The following TEX14 variants were observed in gnomAD, a reference collection of about 807,000 sequenced individuals.
The protein encoded by TEX14 is testis expressed 14, intercellular bridge forming factor, also known as inactive serine/threonine-protein kinase TEX14.
A neutral mutation model predicts 178.6 loss-of-function variants in TEX14; 168 were observed. The ratio of observed to expected loss-of-function variants is 0.94; its 90% confidence interval spans 0.83 to 1.07. The LOEUF (loss-of-function observed/expected upper bound fraction) is 1.07, where lower values mean the gene tolerates loss of function less well. Ranked by LOEUF, TEX14 falls within the 50% of genes least tolerant of loss-of-function variation. The pLI is 0.00. For missense variants in TEX14, 1,730 were observed against 1,753.6 expected (o/e 0.99, Z 0.24); for synonymous variants, 626 against 634.1 (o/e 0.99, Z 0.19).
intron 1 of TEX14, among the ~76,000 whole-genome samples, chr17:58,669,116 G>C (rs302841): frequency 0.62 from 94,611 of 151,834 alleles, 29,884 homozygotes; most frequent in African/African-American, 0.71. Context: ...CTTTGGGAGG[G>C]TGAGGTGGGC....
At chr17:58,603,089 C>A (rs2045503054) in intron 11 of TEX14, among the ~76,000 whole-genome samples, 1 of 151,778 alleles carries the variant, frequency 6.6e-6, no homozygotes. Context: ...ACCTGGAAGG[C>A]CAATTCATAA....
At chr17:58,579,129 A>G (rs1446793902) in intron 20 of TEX14, among the ~76,000 whole-genome samples, 1 of 152,266 alleles carries the variant, frequency 6.6e-6, no homozygotes, top group African/African-American at 2.4e-5. Context: ...TAAGTTATAT[A>G]GAACCCAAGG....
chr17:58,675,845 C>T (rs886317761), intron 1 of TEX14, among the ~76,000 whole-genome samples: 10 of 152,184 alleles, frequency 6.6e-5, no homozygotes, highest in African/African-American at 9.6e-5. Flanking sequence ...GTCGCCTGGG[C>T]CTCCAAAGGT....
intron 19 of TEX14, among the ~76,000 whole-genome samples, chr17:58,582,267 T>C (rs2044839937): frequency 6.6e-6 from 1 of 152,222 alleles, no homozygotes; most frequent in African/African-American, 2.4e-5. Context: ...TATTTACTTA[T>C]TTATTTTTCT....
rs115098506 is a variant in TEX14 at position 58,601,683 on chromosome 17, G to C, written c.1678+123C>G. 395 of 925,742 alleles carry C rather than the reference G, an allele frequency of 4.3e-4. 1 individual carries two copies. In the African/African-American group the frequency reaches 5.9e-3, roughly 14 times the overall value. The allele number at this position is 925,742 out of a possible 1,614,324, so 57.3% of individuals were successfully genotyped here. A position where few individuals can be genotyped will look rare whatever the true frequency, so the allele number is the denominator to read the frequency against. The stretch of plus-strand genomic sequence containing the variant: ...TACTCCAGTCTGGGCAATAGAGCTA[G>C]ACTTTATCTCACAAAACAAACAAGT... On this transcript the variant is annotated intron_variant, in intron 13 of 31. Transcript: ENST00000349033.
intron 10 of TEX14, among the ~76,000 whole-genome samples, chr17:58,607,554 T>C (rs539133439): frequency 2.8e-4 from 43 of 152,184 alleles, no homozygotes; most frequent in Non-Finnish European, 4.7e-4. Flanking sequence ...CTTCACACCA[T>C]TGCTTCACCC....
chr17:58,677,369 T>G (rs1209945556), intron 1 of TEX14, among the ~76,000 whole-genome samples: 1 of 152,196 alleles, frequency 6.6e-6, no homozygotes, highest in Non-Finnish European at 1.5e-5. Flanking sequence ...GTGGTACTCA[T>G]TGTGTACAAA....
Position 58,579,671 on chromosome 17 carries a change from C to T in TEX14, c.3232G>A (p.Val1078Ile). 6.2e-7 allele frequency: 1 copy of T among 1,613,678 alleles called. No homozygotes were observed. The highest frequency in any genetic ancestry group is 1.1e-5 in the South Asian group (1 of 91,060). ...GIQGAFAQPQ[V>I]SGEEKFQMRK... ...TTCCCTAAGGGCTTATTACCAGAGA[C>T]TTGAGGTTGGGCAAATGCACCTTGT... The change falls in exon 20 of 32, where the codon GTC (valine) becomes ATC (isoleucine). Residue 1078 changes from valine to isoleucine, a missense_variant. Physicochemically the swap from Val to Ile is conservative, Grantham distance 29 (BLOSUM62 3). Coordinates refer to ENST00000349033, the MANE Select transcript of TEX14 (RefSeq NM_031272.5).
rs144263314 is a variant in TEX14 at position 58,680,125 on chromosome 17, G to C, written c.-2+11814C>G. ...GACAAAGTCTTGCTTTGTTGCCCAG[G>C]CTGGGGTACAGTAGTTATCGAACTT... On this transcript the variant is annotated intron_variant, in intron 1 of 31. Transcript: ENST00000349033. Among the ~76,000 whole-genome samples the C allele has an allele frequency of 6.8e-4, 104 of 152,048 alleles. 1 individual carries two copies. Among genetic ancestry groups the C allele is most frequent in the African/African-American group, 2.4e-3 (101 of 41,464 alleles).
At chr17:58,650,112 C>T (rs948799867) in intron 2 of TEX14, among the ~76,000 whole-genome samples, 2 of 151,694 alleles carry the variant, frequency 1.3e-5, no homozygotes, top group Non-Finnish European at 2.9e-5. Context: ...GGCTGGAGTG[C>T]AATGGTGTGA....
intron 1 of TEX14, among the ~76,000 whole-genome samples, chr17:58,655,158 G>A (rs1272221589): frequency 4.0e-5 from 6 of 150,264 alleles, no homozygotes; most frequent in African/African-American, 9.8e-5. Flanking sequence ...GATTACAGGC[G>A]CCTGCCACCA....
intron 2 of TEX14, among the ~76,000 whole-genome samples, chr17:58,641,444 G>GC (rs1352747567): frequency 1.3e-5 from 2 of 151,298 alleles, no homozygotes; most frequent in Non-Finnish European, 2.9e-5. Flanking sequence ...CAACCAGGCT[G>GC]CTGTGCCTAT....
At position 58,681,808 on chromosome 17, in the gene TEX14, A is replaced by C. The variant is rs556838119; in HGVS notation, c.-2+10131T>G. 2.5e-4 allele frequency among the ~76,000 whole-genome samples: 38 copies of C among 151,940 alleles called. 1 individual carries two copies. The highest frequency in any genetic ancestry group is 4.3e-4 in the Non-Finnish European group (29 of 67,992). ...CAGTGAGCTAAGATCATGCCATTGC[A>C]CTCCAGCCTGGGTGACAGCAGGAAA... On this transcript the variant is annotated intron_variant, in intron 1 of 31. Transcript: ENST00000349033.
chr17:58,580,539 T>C (rs539184517), intron 19 of TEX14, among the ~76,000 whole-genome samples: 1 of 152,274 alleles, frequency 6.6e-6, no homozygotes, highest in Non-Finnish European at 1.5e-5. Flanking sequence ...CTTGAACTTC[T>C]GACCTCACGA....
intron 21 of TEX14, among the ~76,000 whole-genome samples, chr17:58,576,335 A>T (rs1335322655): frequency 6.6e-6 from 1 of 152,184 alleles, no homozygotes; most frequent in Non-Finnish European, 1.5e-5. Flanking sequence ...AAAATACAAA[A>T]TTAGCCAGGT....
rs749619740 is a variant in TEX14, at chr17:58,585,952, A to G, written c.2919T>C (p.Ile973=). ...NEPDALLQPP[I]RSPENTDWQR... ...GCCAATCCGTGTTTTCTGGGCTCCT[A>G]ATGGGGGGCTGCAGCAGGGCGTCGG... The change falls in exon 18 of 32, where the codon ATT becomes ATC. Residue 973 remains isoleucine (I), a synonymous_variant. Coordinates refer to ENST00000349033, the MANE Select transcript of TEX14 (RefSeq NM_031272.5). 1.9e-6 allele frequency: 3 copies of G among 1,613,782 alleles called. No homozygotes were observed. The highest frequency in any genetic ancestry group is 1.7e-6 in the Non-Finnish European group (2 of 1,179,962).
intron 14 of TEX14, among the ~76,000 whole-genome samples, chr17:58,598,257 T>C (rs1259965758): frequency 1.3e-5 from 2 of 148,226 alleles, no homozygotes; most frequent in African/African-American, 5.0e-5. Context: ...GAGGTTGTGG[T>C]GAGCCAAGAT....
At chr17:58,578,458 A>G (rs1339074407) in intron 20 of TEX14, among the ~76,000 whole-genome samples, 3 of 152,118 alleles carry the variant, frequency 2.0e-5, no homozygotes, top group African/African-American at 7.2e-5. Flanking sequence ...AGCATGCTGC[A>G]TCCTGTACCC....
In TEX14 at chr17:58,602,439, G is replaced by T. The variant is rs776237473; in HGVS notation, c.1488C>A (p.Asn496Lys). The change falls in exon 12 of 32, where the codon AAC becomes AAA. Residue 496 changes from asparagine (N) to lysine (K), a missense_variant. Transcript: ENST00000349033. ...IHVKQKDRTM[N>K]LQDIRYILKN... ...TCAGAATATACCGGATATCTTGAAG[G>T]TTCATAGTTCGGTCTTTCTGCTTGA... The T allele has an allele frequency of 1.9e-6, 3 of 1,613,868 alleles. No individual in the cohort carries two copies. The highest frequency in any genetic ancestry group is 2.5e-6 in the Non-Finnish European group (3 of 1,179,994).
Sources: gnomAD v4.1 joint callset for allele counts (sites outside exome capture counted in the v4.1 genomes callset) on GRCh38, gnomAD v4.1.1 for gene constraint, MANE v1.5 for transcripts, NCBI Gene and HGNC (gene_info 2026-07-23, HGNC 2026-07-21) for gene names.